The following NUP210L variants were observed in gnomAD, a reference collection of about 807,000 sequenced individuals.
NUP210L encodes the protein nuclear pore membrane glycoprotein 210-like.
A neutral mutation model predicts 208.5 loss-of-function variants in NUP210L; 74 were observed. The ratio of observed to expected loss-of-function variants is 0.35; its 90% confidence interval spans 0.29 to 0.43. The LOEUF is 0.43. NUP210L is among the 20% of genes least tolerant of loss of function. The probability of loss-of-function intolerance (pLI) is 1.00; values close to 1 mark genes in which losing one functional copy is unlikely to be tolerated. For synonymous variants in NUP210L, 780 were observed against 816.9 expected, an observed-to-expected ratio of 0.95 and a Z score of 0.77; for missense variants, 1,843 against 2,289.4, an observed-to-expected ratio of 0.81 and a Z score of 3.98.
chr1:154,067,121 C>G (rs1300432004), intron 17 of NUP210L, among the ~76,000 whole-genome samples: 1 of 152,072 alleles, frequency 6.6e-6, no homozygotes, highest in African/African-American at 2.4e-5. Context: ...GATACCAACG[C>G]CTGGCAGAGA....
intron 25 of NUP210L, among the ~76,000 whole-genome samples, chr1:154,051,415 T>C (rs1653492094): frequency 6.6e-6 from 1 of 152,038 alleles, no homozygotes; most frequent in Non-Finnish European, 1.5e-5. Flanking sequence ...GGGGTTTCAC[T>C]GTGTTAGCCA....
chr1:154,003,267 G>C (rs1199503029), intron 35 of NUP210L, among the ~76,000 whole-genome samples: 1 of 151,762 alleles, frequency 6.6e-6, no homozygotes, highest in Non-Finnish European at 1.5e-5. Flanking sequence ...GAGTGCAGTG[G>C]CGCAATCTCA....
At chr1:154,125,651 A>AAGGG (rs1657871190) in intron 10 of NUP210L, among the ~76,000 whole-genome samples, 1 of 15,808 alleles carries the variant, frequency 6.3e-5, no homozygotes, top group African/African-American at 3.8e-4. Context: ...GGAAGGAAGG[A>AAGGG]AGGAAGGAAG....
exon 38 of NUP210L, chr1:153,995,150 C>T (rs866123890): frequency 1.5e-5 from 24 of 1,613,844 alleles, no homozygotes; most frequent in African/African-American, 4.0e-5. Context: ...GCCAGTGAAC[C>T]GCTTGAGGAT....
At chr1:154,012,829 C>A (rs1571166721) in intron 33 of NUP210L, among the ~76,000 whole-genome samples, 1 of 148,188 alleles carries the variant, frequency 6.7e-6, no homozygotes, top group Non-Finnish European at 1.5e-5. Flanking sequence ...CATGGAGAAA[C>A]CCCGCCTCTA....
intron 16 of NUP210L, among the ~76,000 whole-genome samples, chr1:154,077,095 C>T (rs1179934628): frequency 6.6e-6 from 1 of 152,076 alleles, no homozygotes; most frequent in African/African-American, 2.4e-5. Context: ...AGAAAAAGGG[C>T]CAGGTGCAGT....
chr1:154,022,340 A>T, exon 32 of NUP210L: 2 of 1,612,340 alleles, frequency 1.2e-6, no homozygotes, highest in South Asian at 1.1e-5. Context: ...GCAGCAAGTC[A>T]TCTCTGCAAG....
At chr1:154,131,271 CAAAAAA>C (rs71584177) in intron 7 of NUP210L, among the ~76,000 whole-genome samples, 3 of 119,910 alleles carry the variant, frequency 2.5e-5, no homozygotes, top group African/African-American at 9.8e-5. Context: ...GACTCCATCT[CAAAAAA>C]AAAAAAAAGA....
intron 3 of NUP210L, among the ~76,000 whole-genome samples, chr1:154,142,836 C>A (rs1658921239): frequency 1.3e-5 from 2 of 151,250 alleles, no homozygotes. Flanking sequence ...TTGCAGTGAG[C>A]CAAGATCGCA....
exon 23 of NUP210L, chr1:154,056,834 G>A: frequency 6.3e-7 from 1 of 1,589,930 alleles, no homozygotes; most frequent in Non-Finnish European, 8.5e-7. Flanking sequence ...CCGAGGAGTT[G>A]ATGTGTATTT....
At chr1:153,998,613 C>T (rs1650034899) in intron 37 of NUP210L, among the ~76,000 whole-genome samples, 1 of 149,250 alleles carries the variant, frequency 6.7e-6, no homozygotes, top group African/African-American at 2.5e-5. Flanking sequence ...GGGTAATGGA[C>T]ACCTTGAATT....
intron 33 of NUP210L, among the ~76,000 whole-genome samples, chr1:154,017,519 C>CTTTT (rs553512184): frequency 2.2e-4 from 28 of 127,954 alleles, no homozygotes; most frequent in Non-Finnish European, 3.1e-4. Flanking sequence ...TTCTTTCTTT[C>CTTTT]TTTTTTTTTT....
At chr1:154,130,004 A>G (rs887656226) in intron 7 of NUP210L, among the ~76,000 whole-genome samples, 9 of 152,142 alleles carry the variant, frequency 5.9e-5, no homozygotes, top group African/African-American at 1.9e-4. Flanking sequence ...TCAAAAATAT[A>G]CTACATCCAA....
At chr1:153,994,497 A>G (rs1197457012) in intron 38 of NUP210L, among the ~76,000 whole-genome samples, 1 of 151,464 alleles carries the variant, frequency 6.6e-6, no homozygotes, top group Non-Finnish European at 1.5e-5. Context: ...TTTTTAGTAG[A>G]GATGGAGTTT....
intron 8 of NUP210L, among the ~76,000 whole-genome samples, chr1:154,128,490 A>G (rs1658096083): frequency 6.6e-6 from 1 of 151,036 alleles, no homozygotes; most frequent in African/African-American, 2.4e-5. Flanking sequence ...CAGACCAAAA[A>G]GAAAAAATTG....
intron 12 of NUP210L, among the ~76,000 whole-genome samples, chr1:154,105,204 C>T (rs1440588543): frequency 2.6e-5 from 4 of 152,200 alleles, no homozygotes. Context: ...AGCCCTTGGG[C>T]CTTGGCCGGG....
At chr1:154,144,198 T>A (rs1659001129) in intron 2 of NUP210L, among the ~76,000 whole-genome samples, 1 of 151,790 alleles carries the variant, frequency 6.6e-6, no homozygotes, top group Admixed American at 6.6e-5. Context: ...AATAAATAAA[T>A]AAAAAATAAA....
At chr1:154,035,950 G>A (rs966023610) in intron 27 of NUP210L, among the ~76,000 whole-genome samples, 3 of 149,628 alleles carry the variant, frequency 2.0e-5, no homozygotes, top group Admixed American at 6.7e-5. Context: ...GGCCAGGCTG[G>A]TCTTGAACTC....
intron 8 of NUP210L, among the ~76,000 whole-genome samples, chr1:154,128,447 T>C (rs1214006606): frequency 6.6e-6 from 1 of 152,088 alleles, no homozygotes; most frequent in African/African-American, 2.4e-5. Context: ...GCCCATTGCA[T>C]TCCAGCCTGG....
Sources: allele counts gnomAD v4.1 joint callset (sites outside exome capture counted in the v4.1 genomes callset), GRCh38; gene constraint gnomAD v4.1.1; transcripts MANE v1.5; gene names NCBI Gene and HGNC (gene_info 2026-07-23, HGNC 2026-07-21).